Variants in THSD7A observed in about 807,000 individuals in gnomAD.
THSD7A encodes thrombospondin type 1 domain containing 7A, also known as thrombospondin type-1 domain-containing protein 7A.
Under a neutral mutation model 231.3 loss-of-function variants are expected in THSD7A, and 96 were observed. That is an observed-to-expected ratio of 0.41 (90% CI 0.35 to 0.49). THSD7A has a LOEUF of 0.49. THSD7A is among the 20% of genes least tolerant of loss of function. The probability of loss-of-function intolerance (pLI) is 0.05; values close to 1 mark genes in which losing one functional copy is unlikely to be tolerated. For synonymous variants in THSD7A, 940 were observed against 743.3 expected (o/e 1.26, Z -4.30); for missense variants, 2,290 against 2,070.2 (o/e 1.11, Z -2.06).
intron 13 of THSD7A, among the ~76,000 whole-genome samples, chr7:11,440,844 G>C (rs545520923): frequency 2.4e-4 from 36 of 152,184 alleles, no homozygotes; most frequent in Admixed American, 1.3e-3. Context: ...CATAAATGTA[G>C]TTGACAAAGC....
intron 6 of THSD7A, among the ~76,000 whole-genome samples, chr7:11,522,237 G>C (rs780840317): frequency 1.8e-4 from 28 of 152,258 alleles, no homozygotes; most frequent in South Asian, 4.1e-4. Flanking sequence ...CTACTTAGAA[G>C]CCTAAGAGTC....
Position 11,637,948 on chromosome 7 carries a change from G to C in THSD7A, c.191-987C>G, listed in dbSNP as rs2681042. On this transcript the variant is annotated intron_variant, in intron 1 of 27. Coordinates refer to ENST00000423059, the MANE Select transcript of THSD7A (RefSeq NM_015204.3). This position sits in a 1 kb window ranked among gnomAD's most constrained non-coding sequence, Gnocchi z 4.2. Reference sequence around the variant, plus strand: ...ATAAAGAAACTTAAAGTTCATGTAAGTACATGATTTTCAAAAAGTATTCCA... The same window carrying C: ...ATAAAGAAACTTAAAGTTCATGTAACTACATGATTTTCAAAAAGTATTCCA... Among the ~76,000 whole-genome samples the C allele has an allele frequency of 6.6e-6, 1 of 151,930 alleles. No homozygotes were observed. The highest frequency in any genetic ancestry group is 1.5e-5 in the Non-Finnish European group (1 of 67,980).
At chr7:11,666,004 T>A (rs1268961564) in intron 1 of THSD7A, among the ~76,000 whole-genome samples, 1 of 152,150 alleles carries the variant, frequency 6.6e-6, no homozygotes, top group African/African-American at 2.4e-5. Context: ...ATTAGCTGGA[T>A]AACGGTGACA....
intron 6 of THSD7A, among the ~76,000 whole-genome samples, chr7:11,536,380 A>G (rs1454433613): frequency 6.6e-6 from 1 of 152,256 alleles, no homozygotes; most frequent in African/African-American, 2.4e-5. Flanking sequence ...CTCTGCACCC[A>G]TCTTTCAGAT....
At chr7:11,394,345 C>T (rs1783098787) in intron 23 of THSD7A, among the ~76,000 whole-genome samples, 1 of 152,202 alleles carries the variant, frequency 6.6e-6, no homozygotes, top group South Asian at 2.1e-4. Context: ...CCTGCAAGAG[C>T]TCCTAAAGGG....
chr7:11,528,827 A>G (rs1248952387), intron 6 of THSD7A, among the ~76,000 whole-genome samples: 3 of 152,070 alleles, frequency 2.0e-5, no homozygotes, highest in Non-Finnish European at 2.9e-5. Flanking sequence ...TTACTTCCTA[A>G]TGTGGGTTCC....
intron 9 of THSD7A, among the ~76,000 whole-genome samples, chr7:11,462,533 C>T (rs1355465564): frequency 6.6e-6 from 1 of 152,144 alleles, no homozygotes; most frequent in African/African-American, 2.4e-5. Flanking sequence ...ACATGGGACT[C>T]ATACACATGT....
intron 16 of THSD7A, among the ~76,000 whole-genome samples, chr7:11,424,105 G>T (rs1784240353): frequency 1.3e-5 from 2 of 152,164 alleles, no homozygotes; most frequent in Non-Finnish European, 2.9e-5. Flanking sequence ...CCAACAGATA[G>T]CTGCCAGCCA....
At chr7:11,458,563 T>G (rs1785388827) in intron 11 of THSD7A, among the ~76,000 whole-genome samples, 1 of 152,136 alleles carries the variant, frequency 6.6e-6, no homozygotes, top group African/African-American at 2.4e-5. Context: ...GCAAGTTGTT[T>G]GACAAATATG....
chr7:11,373,348 A>G lies in THSD7A; in HGVS notation c.*2446T>C, dbSNP rs1259226004. 6.6e-6 allele frequency: 1 copy of G among 152,008 alleles called. No homozygotes were observed. Among genetic ancestry groups the G allele is most frequent in the African/African-American group, 2.4e-5 (1 of 41,404 alleles). The allele number at this position is 152,008 out of a possible 1,614,324, so 9.4% of individuals were successfully genotyped here. On this transcript the variant is annotated 3_prime_UTR_variant, in exon 28 of 28. Transcript: ENST00000423059. Reference sequence around the variant, plus strand: ...AGTAACCACAATAGAGTCTTTCTTAACTATTTTGGACAAATGGAGTTTATT... The same window carrying G: ...AGTAACCACAATAGAGTCTTTCTTAGCTATTTTGGACAAATGGAGTTTATT...
chr7:11,795,822 A>G (rs1784107234), intron 1 of THSD7A, among the ~76,000 whole-genome samples: 1 of 151,700 alleles, frequency 6.6e-6, no homozygotes, highest in Non-Finnish European at 1.5e-5. Context: ...AGGAGCAAAA[A>G]TATGGGATCA....
intron 6 of THSD7A, among the ~76,000 whole-genome samples, chr7:11,491,101 G>C (rs144144503): frequency 1.3e-5 from 2 of 152,140 alleles, no homozygotes; most frequent in Non-Finnish European, 2.9e-5. Context: ...GTGTGGACTT[G>C]TGGAAAGTTA....
intron 24 of THSD7A, among the ~76,000 whole-genome samples, chr7:11,381,537 T>A (rs761468134): frequency 9.2e-5 from 14 of 152,106 alleles, no homozygotes; most frequent in Non-Finnish European, 1.9e-4. Flanking sequence ...TAAACAAACA[T>A]CACTCAGAGG....
intron 1 of THSD7A, among the ~76,000 whole-genome samples, chr7:11,661,397 G>T (rs754096715): frequency 6.6e-6 from 1 of 151,280 alleles, no homozygotes; most frequent in Non-Finnish European, 1.5e-5. Flanking sequence ...GCAGCTATCA[G>T]ATCTGTACTT....
At chr7:11,808,154 C>CCACACACA (rs67706467) in intron 1 of THSD7A, among the ~76,000 whole-genome samples, 8 of 151,004 alleles carry the variant, frequency 5.3e-5, no homozygotes, top group Admixed American at 4.0e-4. Flanking sequence ...TAGAAAGAGA[C>CCACACACA]CACACACACA....
rs1782095973 is a variant in THSD7A, at chr7:11,372,543, G to A, written c.*3251C>T. The A allele has an allele frequency of 6.6e-6, 1 of 152,082 alleles. No homozygotes were observed. The highest frequency in any genetic ancestry group is 1.5e-5 in the Non-Finnish European group (1 of 68,000). 9.4% of individuals were successfully genotyped at this position (152,082 alleles called of 1,614,324 possible). On this transcript the variant is annotated 3_prime_UTR_variant, in exon 28 of 28. Transcript: ENST00000423059. Reference sequence around the variant, plus strand: ...TCCACATATTGGATTAGTTATTGATGAATAAGCAAATCAGCCCCTTTCAAA... The same window carrying A: ...TCCACATATTGGATTAGTTATTGATAAATAAGCAAATCAGCCCCTTTCAAA...
At chr7:11,754,713 T>C (rs960050484) in intron 1 of THSD7A, among the ~76,000 whole-genome samples, 1 of 152,150 alleles carries the variant, frequency 6.6e-6, no homozygotes, top group African/African-American at 2.4e-5. Flanking sequence ...GTAATGGCCA[T>C]ATAATGTATT....
intron 2 of THSD7A, among the ~76,000 whole-genome samples, chr7:11,606,683 A>T (rs968318588): frequency 6.6e-6 from 1 of 152,122 alleles, no homozygotes; most frequent in Non-Finnish European, 1.5e-5. Context: ...TAATGATATT[A>T]CCTGACATCA....
intron 1 of THSD7A, among the ~76,000 whole-genome samples, chr7:11,752,743 T>C (rs552006812): frequency 1.3e-5 from 2 of 151,946 alleles, no homozygotes; most frequent in South Asian, 4.2e-4. Flanking sequence ...TAATGATACA[T>C]CAGCTCTCCA....
Sources: allele counts gnomAD v4.1 joint callset (sites outside exome capture counted in the v4.1 genomes callset), GRCh38; gene constraint gnomAD v4.1.1; non-coding constraint Gnocchi (gnomAD v3.1); transcripts MANE v1.5; gene names NCBI Gene and HGNC (gene_info 2026-07-23, HGNC 2026-07-21).